The following ATRX variants were observed in gnomAD, a reference collection of about 807,000 sequenced individuals.
The protein encoded by ATRX is ATRX chromatin remodeler.
Under a neutral mutation model 172.6 loss-of-function variants are expected in ATRX, and 12 were observed. That is an observed-to-expected ratio of 0.07 (90% confidence interval 0.04 to 0.11). The LOEUF (loss-of-function observed/expected upper bound fraction) is 0.11. Ranked by LOEUF, ATRX falls within the 10% of genes least tolerant of loss-of-function variation. ATRX has a pLI of 1.00. For missense variants in ATRX, 1,368 were observed against 1,767.4 expected (o/e 0.77, Z 4.05); for synonymous variants, 674 against 594.7 (o/e 1.13, Z -1.94).
intron 1 of ATRX, among the ~76,000 whole-genome samples, chrX:77,785,478 C>A (rs2148992733): frequency 9.1e-6 from 1 of 109,425 alleles, no homozygotes; most frequent in South Asian, 4.0e-4. Context: ...GAAAAAAAAT[C>A]CCGCAGGGCC....
At chrX:77,554,937 T>G (rs2064713850) in intron 30 of ATRX, among the ~76,000 whole-genome samples, 1 of 112,338 alleles carries the variant, frequency 8.9e-6, no homozygotes, top group Non-Finnish European at 1.9e-5. Context: ...TTTAAAAACT[T>G]TTTTTTAAAA....
In ATRX at chrX:77,599,892, T is replaced by C. The variant is rs782248677; in HGVS notation, c.5698-72A>G. The C allele has an allele frequency of 3.5e-5, 31 of 880,804 alleles. No individual in the cohort carries two copies. In the African/African-American group the frequency reaches 4.6e-4, roughly 13 times the overall value. 72.6% of individuals were successfully genotyped at this position (880,804 alleles called of 1,213,427 possible). On this transcript the variant is annotated intron_variant, in intron 23 of 34. Coordinates refer to ENST00000373344, the MANE Select transcript of ATRX (RefSeq NM_000489.6). ...ACACTGGAAATTATATTGATGTTCA[T>C]TTAAGAATAAGTTAATTGGCACGAG...
At position 77,786,188 on chromosome X, in the gene ATRX, C is replaced by T; in HGVS notation, c.-187G>A. On this transcript the variant is annotated 5_prime_UTR_variant, in exon 1 of 35. Coordinates refer to ENST00000373344, the MANE Select transcript of ATRX (RefSeq NM_000489.6). Reference sequence around the variant, plus strand: ...AGGAGCCGCGGAAACAAAGCGACACCGCTGCCGCCGCCATTTTGTTGGGCC... The same window carrying T: ...AGGAGCCGCGGAAACAAAGCGACACTGCTGCCGCCGCCATTTTGTTGGGCC... 2.2e-6 allele frequency: 1 copy of T among 457,602 alleles called. No individual in the cohort carries two copies. Among genetic ancestry groups the T allele is most frequent in the Admixed American group, 4.0e-5 (1 of 25,149 alleles). 37.7% of individuals were successfully genotyped at this position (457,602 alleles called of 1,213,427 possible).
chrX:77,528,280 C>G (rs1005037080), intron 30 of ATRX, among the ~76,000 whole-genome samples: 3 of 112,116 alleles, frequency 2.7e-5, no homozygotes, highest in African/African-American at 9.7e-5. Flanking sequence ...GGAGGGCCAG[C>G]GGCCATCTCT....
intron 1 of ATRX, among the ~76,000 whole-genome samples, chrX:77,758,911 A>C (rs1463847267): frequency 8.9e-6 from 1 of 112,284 alleles, no homozygotes; most frequent in Non-Finnish European, 1.9e-5. Context: ...GTATTCCATG[A>C]CGTAAAGCTG....
Position 77,521,257 on chromosome X carries a change from G to A in ATRX, c.7071+146C>T, listed in dbSNP as rs2063221574. On this transcript the variant is annotated intron_variant, in intron 33 of 34. Transcript: ENST00000373344. ...ATCTATGTAAAATTGCTGGGTTACG[G>A]TTTGGCATTATCCATCCATTTTACC... 6.0e-6 allele frequency: 3 copies of A among 503,710 alleles called. No homozygotes were observed. The African/African-American group carries it at 7.0e-5, about 12-fold the overall frequency. 41.5% of individuals were successfully genotyped at this position (503,710 alleles called of 1,213,427 possible).
At position 77,684,364 on chromosome X, in the gene ATRX, T is replaced by A. The variant is rs782119966; in HGVS notation, c.892A>T (p.Ile298Leu). Residue 298 changes from isoleucine (I) to leucine (L), a missense_variant, in exon 9 of 35, where the codon ATA (isoleucine) becomes TTA (leucine). Physicochemically the swap from Ile to Leu is conservative, Grantham distance 5 (BLOSUM62 2). Coordinates refer to ENST00000373344, the MANE Select transcript of ATRX (RefSeq NM_000489.6). Reference sequence around the variant, plus strand: ...TTACTCTTTTCACTGTCAACTTTTATCTTCTTCTTATTTTGCTGCAACAAC... The same window carrying A: ...TTACTCTTTTCACTGTCAACTTTTAACTTCTTCTTATTTTGCTGCAACAAC... Reference protein sequence around the residue: ...EQLLQQNKKKIKVDSEKSNKV... With the variant: ...EQLLQQNKKKLKVDSEKSNKV... 2.5e-6 allele frequency: 3 copies of A among 1,210,280 alleles called. No homozygotes were observed. The highest frequency in any genetic ancestry group is 3.4e-6 in the Non-Finnish European group (3 of 893,913).
At chrX:77,648,622 G>A (rs1408470785) in intron 15 of ATRX, among the ~76,000 whole-genome samples, 1 of 65,012 alleles carries the variant, frequency 1.5e-5, no homozygotes, top group Non-Finnish European at 3.7e-5. Context: ...ATCCAAAGCT[G>A]CGTTTTTTTT....
intron 19 of ATRX, among the ~76,000 whole-genome samples, chrX:77,621,908 T>C (rs782739317): frequency 3.8e-4 from 42 of 111,920 alleles, no homozygotes; most frequent in African/African-American, 1.3e-3. Flanking sequence ...TCTCTAGCTT[T>C]GTATTTAAAA....
chrX:77,630,505 A>G (rs1303711222), intron 19 of ATRX, among the ~76,000 whole-genome samples: 1 of 112,297 alleles, frequency 8.9e-6, no homozygotes, highest in East Asian at 2.8e-4. Context: ...AAGCTACAGT[A>G]ATTAAAACAA....
chrX:77,654,113 T>G lies in ATRX; in HGVS notation c.4302A>C (p.Ser1434=). The G allele has an allele frequency of 1.7e-6, 2 of 1,207,859 alleles. No individual in the cohort carries two copies. The highest frequency in any genetic ancestry group is 2.3e-4 in the Middle Eastern group (1 of 4,338). Residue 1434 remains serine (S), a synonymous_variant, in exon 14 of 35, where the codon TCA becomes TCC. Coordinates refer to ENST00000373344, the MANE Select transcript of ATRX (RefSeq NM_000489.6). ...TCATTATTACCTTGTTTTCACTGGA[T>G]GAATCTTCTTGAACCTTAATACGTC... ...KRRRIKVQED[S]SSENKSNSEE... is the part of the protein sequence containing the mutation.
At chrX:77,655,111 ATGG>A (rs782752505) in intron 13 of ATRX, among the ~76,000 whole-genome samples, 1 of 111,116 alleles carries the variant, frequency 9.0e-6, no homozygotes, top group Non-Finnish European at 1.9e-5. Flanking sequence ...AGAAAATAGA[ATGG>A]TGGTTGCCAG....
chrX:77,664,786 G>T lies in ATRX; in HGVS notation c.3810-8C>A. ...AGCATCTTCTTGGCAATTCTTGAGA[G>T]TAAAAAACAATAAAAAAAGAACTAT... On this transcript the variant is annotated splice_region_variant and splice_polypyrimidine_tract_variant and intron_variant, in intron 10 of 34. Coordinates refer to ENST00000373344, the MANE Select transcript of ATRX (RefSeq NM_000489.6). 1.7e-6 allele frequency: 2 copies of T among 1,190,397 alleles called. No individual in the cohort carries two copies. Among genetic ancestry groups the T allele is most frequent in the Non-Finnish European group, 2.3e-6 (2 of 881,951 alleles).
intron 1 of ATRX, among the ~76,000 whole-genome samples, chrX:77,772,061 G>A (rs1009341884): frequency 2.7e-5 from 3 of 111,414 alleles, no homozygotes; most frequent in Non-Finnish European, 5.7e-5. Context: ...GTGGGAGGCC[G>A]AGGCGGGCGG....
At chrX:77,680,135 G>A (rs1357278382) in intron 9 of ATRX, among the ~76,000 whole-genome samples, 2 of 111,751 alleles carry the variant, frequency 1.8e-5, no homozygotes, top group Non-Finnish European at 3.8e-5. Flanking sequence ...TGCTGCATCA[G>A]GCCCCACTGG....
At chrX:77,672,020 G>C (rs994143629) in intron 10 of ATRX, among the ~76,000 whole-genome samples, 2 of 110,453 alleles carry the variant, frequency 1.8e-5, no homozygotes, top group Admixed American at 9.7e-5. Flanking sequence ...GGACACCTGT[G>C]TTATACTTAA....
chrX:77,767,103 G>A (rs1274924423), intron 1 of ATRX, among the ~76,000 whole-genome samples: 6 of 111,708 alleles, frequency 5.4e-5, no homozygotes, highest in East Asian at 5.7e-4. Flanking sequence ...GCCTGCAATC[G>A]CAGGCACTCG....
Position 77,508,576 on chromosome X carries a change from G to A in ATRX, c.7254C>T (p.Tyr2418=), listed in dbSNP as rs782527659. ...TCATTTGTTGCTGTTGCTGCTGATT[G>A]TACTGCTGCTGGAGCCTTCTGTTCA... ...ILMNRRLQQQ[Y]NQQQQQQMTY... The change falls in exon 35 of 35, where the codon TAC becomes TAT. Residue 2418 remains tyrosine (Y), a synonymous_variant. Coordinates refer to ENST00000373344, the MANE Select transcript of ATRX (RefSeq NM_000489.6). The A allele has an allele frequency of 1.2e-4, 151 of 1,210,170 alleles. No individual in the cohort carries two copies. Among genetic ancestry groups the A allele is most frequent in the Non-Finnish European group, 1.5e-4 (131 of 895,282 alleles).
rs1359940950 is a variant in ATRX, at chrX:77,549,194, G to T, written c.6699+8257C>A. On this transcript the variant is annotated intron_variant, in intron 30 of 34. Coordinates refer to ENST00000373344, the MANE Select transcript of ATRX (RefSeq NM_000489.6). ...GAGGCCAGGAGTTCGAGACCAGCCT[G>T]GCCAACATGGAGAAAGCCCATCTCT... is the stretch of plus-strand genomic sequence containing the variant. Among the ~76,000 whole-genome samples, 13 of 111,224 alleles carry T rather than the reference G, an allele frequency of 1.2e-4. No homozygotes were observed. The Admixed American group carries it at 1.3e-3, about 11-fold the overall frequency.
Sources: allele counts gnomAD v4.1 joint callset (sites outside exome capture counted in the v4.1 genomes callset), GRCh38; gene constraint gnomAD v4.1.1; transcripts MANE v1.5; gene names NCBI Gene and HGNC (gene_info 2026-07-23, HGNC 2026-07-21).